Variants in ADAMTS3 observed in about 807,000 individuals in gnomAD.
ADAMTS3 encodes the protein ADAM metallopeptidase with thrombospondin type 1 motif 3, also known as A disintegrin and metalloproteinase with thrombospondin motifs 3.
A neutral mutation model predicts 129.0 loss-of-function variants in ADAMTS3; 73 were observed. The ratio of observed to expected loss-of-function variants is 0.57; its 90% confidence interval spans 0.47 to 0.69. The LOEUF is 0.69. Ranked by LOEUF, ADAMTS3 falls within the 30% of genes least tolerant of loss-of-function variation. The pLI, the probability that ADAMTS3 is intolerant of heterozygous loss-of-function variation, is 0.00. For missense variants in ADAMTS3, 1,457 were observed against 1,514.5 expected (o/e 0.96, Z 0.63); for synonymous variants, 477 against 510.8 (o/e 0.93, Z 0.89).
At chr4:72,415,019 T>G in intron 3 of ADAMTS3, 48 bp from the exon 4 acceptor site, 4 of 1,273,984 alleles carry the variant, frequency 3.1e-6, no homozygotes, top group Non-Finnish European at 3.1e-6. Context: ...ATATCTATCA[T>G]CTTCAGCTCA....
chr4:72,362,116 C>A (rs1720744159), intron 4 of ADAMTS3, among the ~76,000 whole-genome samples: 1 of 151,950 alleles, frequency 6.6e-6, no homozygotes, highest in African/African-American at 2.4e-5. Context: ...ATCATTGAAG[C>A]ATATTTTAAT....
At position 72,443,449 on chromosome 4, in the gene ADAMTS3, GC is replaced by G. The variant is rs760369244; in HGVS notation, c.505-28479del. ...TCTAGTGTTAAAAATGTCTTTATCT[GC>G]ACCTAGACAATTACCTGATTGAGAG... On this transcript the variant is annotated intron_variant, in intron 3 of 21. Transcript: ENST00000286657. Among the ~76,000 whole-genome samples the G allele has an allele frequency of 6.6e-5, 10 of 151,656 alleles. No homozygotes were observed. The South Asian group carries it at 1.9e-3, about 28-fold the overall frequency.
rs1415328302 is a variant in ADAMTS3 at position 72,552,406 on chromosome 4, T to C, written c.98-3522A>G. On this transcript the variant is annotated intron_variant, in intron 2 of 21. Transcript: ENST00000286657. The stretch of plus-strand genomic sequence containing the variant: ...GCCACTCATTAAAATAATGTTGTGG[T>C]TCAACTTTAAAGTTAGAAACTATAA... 1.3e-5 allele frequency among the ~76,000 whole-genome samples: 2 copies of C among 152,156 alleles called. 1 individual carries two copies. The highest frequency in any genetic ancestry group is 4.1e-4 in the South Asian group (2 of 4,830).
intron 3 of ADAMTS3, among the ~76,000 whole-genome samples, chr4:72,514,601 T>G (rs1720405983): frequency 6.6e-6 from 1 of 152,278 alleles, no homozygotes; most frequent in South Asian, 2.1e-4. Context: ...CTGCCTATTC[T>G]TCTGCCTAGA....
At chr4:72,294,190 G>A (rs1718748464) in intron 19 of ADAMTS3, among the ~76,000 whole-genome samples, 1 of 152,022 alleles carries the variant, frequency 6.6e-6, no homozygotes, top group Non-Finnish European at 1.5e-5. Flanking sequence ...GACACAGAAA[G>A]ACAAATACCA....
intron 3 of ADAMTS3, among the ~76,000 whole-genome samples, chr4:72,475,562 T>A (rs1007732811): frequency 1.3e-5 from 2 of 151,878 alleles, no homozygotes; most frequent in Non-Finnish European, 2.9e-5. Context: ...ACAATTACAG[T>A]TGGAGTCTTT....
chr4:72,329,203 G>C (rs1046754005), intron 5 of ADAMTS3, among the ~76,000 whole-genome samples: 2 of 152,102 alleles, frequency 1.3e-5, no homozygotes, highest in African/African-American at 2.4e-5. Context: ...AATGCAAAAA[G>C]ACATGCGGGC....
chr4:72,390,337 G>T (rs1333260417), intron 4 of ADAMTS3, among the ~76,000 whole-genome samples: 1 of 151,976 alleles, frequency 6.6e-6, no homozygotes, highest in Non-Finnish European at 1.5e-5. Context: ...TGTGATGACG[G>T]CACCAATGAT....
At chr4:72,508,827 T>C (rs1277571991) in intron 3 of ADAMTS3, among the ~76,000 whole-genome samples, 1 of 152,078 alleles carries the variant, frequency 6.6e-6, no homozygotes, top group East Asian at 1.9e-4. Context: ...CCAAGAGCTG[T>C]AGAATACACA....
Position 72,523,895 on chromosome 4 carries a change from T to C in ADAMTS3, c.504+24583A>G, listed in dbSNP as rs150126783. On this transcript the variant is annotated intron_variant, in intron 3 of 21. Transcript: ENST00000286657. ...TGTATGTAAATTGATCTACAATTGT[T>C]GTAACTTGAATTTGACCCTATTGGG... Among the ~76,000 whole-genome samples the C allele has an allele frequency of 5.7e-3, 873 of 152,304 alleles. 3 individuals carry two copies. Among genetic ancestry groups the C allele is most frequent in the African/African-American group, 0.02 (839 of 41,574 alleles).
intron 3 of ADAMTS3, among the ~76,000 whole-genome samples, chr4:72,420,337 C>G (rs190464845): frequency 6.6e-6 from 1 of 152,142 alleles, no homozygotes; most frequent in Non-Finnish European, 1.5e-5. Flanking sequence ...GGGTGTTTCC[C>G]CTTTAAGACC....
chr4:72,298,154 T>C, intron 18 of ADAMTS3, 123 bp downstream of exon 18: 1 of 718,154 alleles, frequency 1.4e-6, no homozygotes, highest in South Asian at 2.5e-5. Flanking sequence ...GTATTGATGT[T>C]TTGATGGTTA....
chr4:72,546,779 G>A (rs890804480), intron 3 of ADAMTS3, among the ~76,000 whole-genome samples: 2 of 152,164 alleles, frequency 1.3e-5, no homozygotes, highest in African/African-American at 4.8e-5. Context: ...GTATTAGAGA[G>A]TAAATGCCAG....
At chr4:72,477,263 TA>T (rs1719264254) in intron 3 of ADAMTS3, among the ~76,000 whole-genome samples, 1 of 152,094 alleles carries the variant, frequency 6.6e-6, no homozygotes, top group South Asian at 2.1e-4. Flanking sequence ...ACACCACACC[TA>T]CTCCAAAACT....
chr4:72,376,878 G>A (rs1721146551), intron 4 of ADAMTS3, among the ~76,000 whole-genome samples: 1 of 152,090 alleles, frequency 6.6e-6, no homozygotes, highest in African/African-American at 2.4e-5. Flanking sequence ...TATATTTTCT[G>A]AATAAAAAGA....
At chr4:72,433,942 T>G (rs1015569066) in intron 3 of ADAMTS3, among the ~76,000 whole-genome samples, 1 of 151,890 alleles carries the variant, frequency 6.6e-6, no homozygotes, top group Non-Finnish European at 1.5e-5. Context: ...TGCCCTCTCT[T>G]ACAATCAAGT....
At chr4:72,482,987 T>A (rs1719479600) in intron 3 of ADAMTS3, among the ~76,000 whole-genome samples, 1 of 152,122 alleles carries the variant, frequency 6.6e-6, no homozygotes, top group African/African-American at 2.4e-5. Flanking sequence ...CAAACTAAAA[T>A]TAGAAGGCCA....
At position 72,470,494 on chromosome 4, in the gene ADAMTS3, T is replaced by C. The variant is rs1269009936; in HGVS notation, c.505-55523A>G. On this transcript the variant is annotated intron_variant, in intron 3 of 21. Coordinates refer to ENST00000286657, the MANE Select transcript of ADAMTS3 (RefSeq NM_014243.3). ...TTATGAGTATGTATATACACACATA[T>C]AATACACACACATTCTTAAAATTAT... is the stretch of plus-strand genomic sequence containing the variant. Among the ~76,000 whole-genome samples the C allele has an allele frequency of 2.6e-5, 4 of 150,946 alleles. No individual in the cohort carries two copies. The East Asian group carries it at 7.8e-4, about 29-fold the overall frequency.
At chr4:72,567,519 G>A in intron 1 of ADAMTS3, 118 bp from the exon 2 acceptor site, 1 of 1,003,076 alleles carries the variant, frequency 1.0e-6, no homozygotes, top group Non-Finnish European at 1.5e-6. Context: ...AGATGCTAGA[G>A]ACTGGGATTG....
Sources: gnomAD v4.1 joint callset for allele counts (sites outside exome capture counted in the v4.1 genomes callset) on GRCh38, gnomAD v4.1.1 for gene constraint, MANE v1.5 for transcripts, NCBI Gene and HGNC (gene_info 2026-07-23, HGNC 2026-07-21) for gene names.